Variants in LMCD1 observed in about 807,000 individuals in gnomAD.
LMCD1 encodes LIM and cysteine rich domains 1.
In LMCD1, 32 loss-of-function variants were observed where a neutral mutation model predicts 42.7. The observed-to-expected ratio is 0.75, with a 90% CI of 0.57 to 1.01. The LOEUF (loss-of-function observed/expected upper bound fraction) is 1.01, where lower values mean the gene tolerates loss of function less well. Ranked by LOEUF, LMCD1 falls within the 50% of genes least tolerant of loss-of-function variation. The pLI is 0.00. For missense variants in LMCD1, 458 were observed against 483.1 expected, an observed-to-expected ratio of 0.95 and a Z score of 0.49; for synonymous variants, 178 against 184.9, an observed-to-expected ratio of 0.96 and a Z score of 0.30.
chr3:8,548,033 G>A (rs567147632), intron 3 of LMCD1, among the ~76,000 whole-genome samples: 1 of 152,268 alleles, frequency 6.6e-6, no homozygotes, highest in East Asian at 1.9e-4. Context: ...GTAACACAAT[G>A]GTCAGTCAGT....
chr3:8,502,348 A>T lies in LMCD1; in HGVS notation c.42+368A>T, dbSNP rs1321536626. On this transcript the variant is annotated intron_variant, in intron 1 of 5. Transcript: ENST00000157600. ...ATATATAATATATATTATATATAAA[A>T]TATATAATATATATTATATAAAATA... 3.1e-3 allele frequency among the ~76,000 whole-genome samples: 265 copies of T among 86,244 alleles called. 14 individuals carry two copies. The highest frequency in any genetic ancestry group is 0.013 in the African/African-American group (253 of 19,260). The allele number at this position is 86,244 out of a possible 152,430, so 56.6% of individuals were successfully genotyped here.
chr3:8,537,971 C>G (rs1694543282), intron 3 of LMCD1, among the ~76,000 whole-genome samples: 1 of 152,080 alleles, frequency 6.6e-6, no homozygotes, highest in Non-Finnish European at 1.5e-5. Context: ...ATCAGAGAAA[C>G]CCTGAGGAGG....
At position 8,548,953 on chromosome 3, in the gene LMCD1, G is replaced by T. The variant is rs541200411; in HGVS notation, c.723+50G>T. 1.6e-4 allele frequency: 216 copies of T among 1,378,404 alleles called. 4 individuals carry two copies. In the South Asian group the frequency reaches 3.3e-3, roughly 21 times the overall value. 85.4% of individuals were successfully genotyped at this position (1,378,404 alleles called of 1,614,324 possible). On this transcript the variant is annotated intron_variant, in intron 4 of 5. Coordinates refer to ENST00000157600, the MANE Select transcript of LMCD1 (RefSeq NM_014583.4). Reference sequence around the variant, plus strand: ...CAGGCTGAAACCATGCAGGCCCAGGGCTGGACAGTCAGGGCCCCATCACGG... The same window carrying T: ...CAGGCTGAAACCATGCAGGCCCAGGTCTGGACAGTCAGGGCCCCATCACGG...
chr3:8,528,778 G>A (rs1694349966), intron 1 of LMCD1, among the ~76,000 whole-genome samples: 1 of 151,668 alleles, frequency 6.6e-6, no homozygotes, highest in Non-Finnish European at 1.5e-5. Context: ...TTCCCTCTAA[G>A]ACTTCCCTTG....
intron 4 of LMCD1, chr3:8,550,632 C>T (rs759809061): frequency 2.0e-4 from 196 of 984,808 alleles, no homozygotes; most frequent in African/African-American, 6.6e-4. Flanking sequence ...TTGGCAGTGA[C>T]GCATAAAAGG....
At chr3:8,553,768 C>T (rs898674976) in intron 4 of LMCD1, among the ~76,000 whole-genome samples, 5 of 152,192 alleles carry the variant, frequency 3.3e-5, no homozygotes, top group African/African-American at 1.2e-4. Context: ...GGAAGGTCCT[C>T]CGGCCACCAA....
chr3:8,554,412 G>C (rs1227100955), intron 4 of LMCD1, among the ~76,000 whole-genome samples: 2 of 152,158 alleles, frequency 1.3e-5, no homozygotes, highest in Non-Finnish European at 2.9e-5. Context: ...TGAGTGTTTA[G>C]GTTCTCCAGG....
At chr3:8,567,249 A>C (rs1695145218) in intron 5 of LMCD1, among the ~76,000 whole-genome samples, 191 bp from the exon 6 acceptor site, 2 of 152,168 alleles carry the variant, frequency 1.3e-5, no homozygotes, top group Admixed American at 6.5e-5. Context: ...AGAAGCTAAG[A>C]TGCAACCACA....
At chr3:8,548,132 C>A (rs1227608846) in intron 3 of LMCD1, among the ~76,000 whole-genome samples, 1 of 152,134 alleles carries the variant, frequency 6.6e-6, no homozygotes, top group Non-Finnish European at 1.5e-5. Flanking sequence ...GTATATGTGG[C>A]CCATCGTGGA....
chr3:8,561,845 A>G (rs1695043113), intron 4 of LMCD1, among the ~76,000 whole-genome samples: 3 of 148,482 alleles, frequency 2.0e-5, no homozygotes, highest in East Asian at 2.0e-4. Flanking sequence ...CTGTAGGGAC[A>G]TGACAGCCAT....
At chr3:8,539,453 C>T (rs1694576359) in intron 3 of LMCD1, among the ~76,000 whole-genome samples, 1 of 152,130 alleles carries the variant, frequency 6.6e-6, no homozygotes, top group East Asian at 1.9e-4. Context: ...GGCCACAGAA[C>T]AACAGCAGAG....
In LMCD1 at chr3:8,532,724, G is replaced by C. The variant is rs1324149618; in HGVS notation, c.43-13G>C. The C allele has an allele frequency of 1.9e-6, 3 of 1,612,984 alleles. No homozygotes were observed. Among genetic ancestry groups the C allele is most frequent in the South Asian group, 1.1e-5 (1 of 91,000 alleles). On this transcript the variant is annotated splice_polypyrimidine_tract_variant and intron_variant, in intron 1 of 5. Coordinates refer to ENST00000157600, the MANE Select transcript of LMCD1 (RefSeq NM_014583.4). ...TTGGAAGGAAAACACCCTCTTTTCT[G>C]TTCCTTTTCCAGATGTCCCTGGGCC...
chr3:8,508,203 C>A (rs920272419), intron 1 of LMCD1, among the ~76,000 whole-genome samples: 1 of 152,190 alleles, frequency 6.6e-6, no homozygotes, highest in Non-Finnish European at 1.5e-5. Flanking sequence ...TGTCCCAGAG[C>A]TTTCAGGAAA....
In LMCD1 at chr3:8,573,626, C is replaced by T. The variant is rs1296628003; in HGVS notation, c.*6028C>T. 6.6e-6 allele frequency: 1 copy of T among 152,170 alleles called. No individual in the cohort carries two copies. The highest frequency in any genetic ancestry group is 6.5e-5 in the Admixed American group (1 of 15,284). 9.4% of individuals were successfully genotyped at this position (152,170 alleles called of 1,614,324 possible). On this transcript the variant is annotated 3_prime_UTR_variant, in exon 6 of 6. Transcript: ENST00000157600. ...GTTGAAGGAAGAAATGTGTTTTCTC[C>T]TTTTTCTCAAGTGATATTTGCCTTA...
rs890165459 is a variant in LMCD1, at chr3:8,571,422, C to T, written c.*3824C>T. On this transcript the variant is annotated 3_prime_UTR_variant, in exon 6 of 6. Transcript: ENST00000157600. Reference sequence around the variant, plus strand: ...TAAAAATTTCAGACTGAGGTAGACACTGCTGGCAGCCTACACATTGCCACC... The same window carrying T: ...TAAAAATTTCAGACTGAGGTAGACATTGCTGGCAGCCTACACATTGCCACC... 5 of 152,232 alleles carry T rather than the reference C, an allele frequency of 3.3e-5. No individual in the cohort carries two copies. Among genetic ancestry groups the T allele is most frequent in the African/African-American group, 9.7e-5 (4 of 41,448 alleles). The allele number at this position is 152,232 out of a possible 1,614,324, so 9.4% of individuals were successfully genotyped here.
chr3:8,574,031 C>T lies in LMCD1; in HGVS notation c.*6433C>T, dbSNP rs1188623123. ...CACAAGTTAAGTCTCTGCTTCTTTT[C>T]TCCATCTCTCTTCTGTCTTCCTCCA... On this transcript the variant is annotated 3_prime_UTR_variant, in exon 6 of 6. Transcript: ENST00000157600. 6.6e-6 allele frequency: 1 copy of T among 152,212 alleles called. No homozygotes were observed. The highest frequency in any genetic ancestry group is 2.4e-5 in the African/African-American group (1 of 41,456). 9.4% of individuals were successfully genotyped at this position (152,212 alleles called of 1,614,324 possible).
intron 1 of LMCD1, among the ~76,000 whole-genome samples, chr3:8,521,207 T>G (rs1694197974): frequency 6.6e-6 from 1 of 152,164 alleles, no homozygotes; most frequent in African/African-American, 2.4e-5. Context: ...AAGGCTGGTT[T>G]CCTTTCCCCC....
At chr3:8,527,473 AG>A (rs1381084657) in intron 1 of LMCD1, among the ~76,000 whole-genome samples, 1 of 152,184 alleles carries the variant, frequency 6.6e-6, no homozygotes, top group African/African-American at 2.4e-5. Flanking sequence ...AATTCATGGC[AG>A]TAGGGTAGTT....
intron 5 of LMCD1, 67 bp downstream of exon 5, chr3:8,565,714 C>A: frequency 2.1e-6 from 3 of 1,413,538 alleles, no homozygotes; most frequent in African/African-American, 1.4e-5. Context: ...AGCCCAGAGG[C>A]CAAGAGGAGC....
Sources: allele counts gnomAD v4.1 joint callset (sites outside exome capture counted in the v4.1 genomes callset), GRCh38; gene constraint gnomAD v4.1.1; transcripts MANE v1.5; gene names NCBI Gene and HGNC (gene_info 2026-07-23, HGNC 2026-07-21).